The following MME variants were observed in gnomAD, a reference collection of about 807,000 sequenced individuals.
The protein encoded by MME is membrane metalloendopeptidase, also known as neprilysin.
A neutral mutation model predicts 113.2 loss-of-function variants in MME; 98 were observed. That is an observed-to-expected ratio of 0.87 (90% CI 0.74 to 1.02). The LOEUF (loss-of-function observed/expected upper bound fraction) is 1.02. Among genes scored for constraint, MME ranks in the 50% least tolerant of loss-of-function variants. The pLI, the probability that MME is intolerant of heterozygous loss-of-function variation, is 0.00. For synonymous variants in MME, 292 were observed against 300.6 expected (o/e 0.97, Z 0.30); for missense variants, 836 against 896.0 (o/e 0.93, Z 0.86).
intron 12 of MME, among the ~76,000 whole-genome samples, chr3:155,143,104 T>C (rs1296073506): frequency 1.3e-5 from 2 of 152,174 alleles, no homozygotes; most frequent in African/African-American, 4.8e-5. Flanking sequence ...TCATATACCA[T>C]ATTTCCCCCA....
chr3:155,055,443 A>G (rs951890189), intron 1 of MME, among the ~76,000 whole-genome samples: 2 of 152,110 alleles, frequency 1.3e-5, no homozygotes, highest in African/African-American at 4.8e-5. Flanking sequence ...GCAAAAATAT[A>G]AAAATTAGCC....
intron 3 of MME, among the ~76,000 whole-genome samples, chr3:155,087,335 T>C (rs1442765120): frequency 6.6e-6 from 1 of 150,924 alleles, no homozygotes; most frequent in Non-Finnish European, 1.5e-5. Context: ...AGATGTGATG[T>C]GGGGAGCGTG....
At chr3:155,057,338 A>G (rs1168550438) in intron 1 of MME, among the ~76,000 whole-genome samples, 1 of 151,766 alleles carries the variant, frequency 6.6e-6, no homozygotes, top group Non-Finnish European at 1.5e-5. Flanking sequence ...CAAAAAACAC[A>G]TGAAAAAATG....
intron 8 of MME, among the ~76,000 whole-genome samples, chr3:155,137,579 G>A (rs1160066166): frequency 2.0e-5 from 3 of 151,964 alleles, no homozygotes; most frequent in Admixed American, 6.6e-5. Context: ...GGTGGTGGGC[G>A]CCTGTACTCC....
At chr3:155,029,137 A>G (rs1012001113) in intron 1 of MME, among the ~76,000 whole-genome samples, 3 of 152,208 alleles carry the variant, frequency 2.0e-5, no homozygotes, top group African/African-American at 7.2e-5. Flanking sequence ...CAGTTCATGC[A>G]AAAGGGAAGC....
At chr3:155,025,347 T>A (rs1289967649) in intron 1 of MME, among the ~76,000 whole-genome samples, 1 of 152,096 alleles carries the variant, frequency 6.6e-6, no homozygotes, top group Non-Finnish European at 1.5e-5. Context: ...AGGGGAAATT[T>A]GTAGGCAAAA....
chr3:155,166,206 A>T (rs1013685297), intron 17 of MME, among the ~76,000 whole-genome samples: 2 of 152,200 alleles, frequency 1.3e-5, no homozygotes, highest in African/African-American at 4.8e-5. Flanking sequence ...GTATGAAATT[A>T]AAAAATAAAC....
intron 22 of MME, among the ~76,000 whole-genome samples, chr3:155,177,338 G>A (rs1712641491): frequency 6.6e-6 from 1 of 152,210 alleles, no homozygotes; most frequent in African/African-American, 2.4e-5. Flanking sequence ...CAGGATGACT[G>A]TCTTTAGCCA....
At chr3:155,045,254 G>A (rs1713516494) in intron 1 of MME, among the ~76,000 whole-genome samples, 1 of 151,438 alleles carries the variant, frequency 6.6e-6, no homozygotes, top group Non-Finnish European at 1.5e-5. Flanking sequence ...GGGTTCAGAC[G>A]ATTCCCCTGC....
intron 1 of MME, among the ~76,000 whole-genome samples, chr3:155,045,223 T>C (rs1263456946): frequency 6.6e-6 from 1 of 151,822 alleles, no homozygotes; most frequent in Non-Finnish European, 1.5e-5. Context: ...CGGTCTTGGC[T>C]CACTGCAATC....
intron 1 of MME, among the ~76,000 whole-genome samples, chr3:155,059,795 T>A (rs577598346): frequency 1.2e-4 from 19 of 152,318 alleles, no homozygotes; most frequent in Admixed American, 4.6e-4. Context: ...ATTCTTAAAT[T>A]GCCATCTGAA....
rs190876891 is a variant in MME at position 155,030,337 on chromosome 3, C to T, written c.-11+6013C>T. ...TTATATAGAATTTCAAAATAGCCAGCTAAATCCCAGAAAGTCATATTTTGG... is the reference window on the plus strand; with the variant it reads ...TTATATAGAATTTCAAAATAGCCAGTTAAATCCCAGAAAGTCATATTTTGG... On this transcript the variant is annotated intron_variant, in intron 1 of 22. Transcript: ENST00000492661. Among the ~76,000 whole-genome samples, 9 of 152,222 alleles carry T rather than the reference C, an allele frequency of 5.9e-5. No homozygotes were observed. In the East Asian group the frequency reaches 1.7e-3, roughly 29 times the overall value.
intron 1 of MME, among the ~76,000 whole-genome samples, chr3:155,050,417 C>T (rs1713721197): frequency 6.6e-6 from 1 of 152,156 alleles, no homozygotes; most frequent in Non-Finnish European, 1.5e-5. Flanking sequence ...CATTGCTTTC[C>T]ATGATGACTG....
At chr3:155,042,054 A>G (rs1263807917) in intron 1 of MME, among the ~76,000 whole-genome samples, 3 of 152,188 alleles carry the variant, frequency 2.0e-5, no homozygotes, top group Admixed American at 1.3e-4. Context: ...TTAACAAAAG[A>G]ATATTTCAAT....
At chr3:155,052,634 G>A (rs1313087607) in intron 1 of MME, among the ~76,000 whole-genome samples, 1 of 152,202 alleles carries the variant, frequency 6.6e-6, no homozygotes, top group Admixed American at 6.5e-5. Flanking sequence ...GGGCAGGGGG[G>A]CCCTGGGTCC....
chr3:155,117,051 T>C (rs1718683840), intron 7 of MME, 65 bp downstream of exon 7: 1 of 907,976 alleles, frequency 1.1e-6, no homozygotes, highest in Admixed American at 1.7e-5. Context: ...ACATACATTG[T>C]TGTTATTGAT....
At chr3:155,043,423 C>A (rs1713430061) in intron 1 of MME, among the ~76,000 whole-genome samples, 1 of 151,824 alleles carries the variant, frequency 6.6e-6, no homozygotes, top group African/African-American at 2.4e-5. Context: ...CCTCCACCTC[C>A]CAGGTTCAAG....
chr3:155,125,195 C>T (rs554052861), intron 8 of MME, among the ~76,000 whole-genome samples: 2 of 148,956 alleles, frequency 1.3e-5, no homozygotes, highest in African/African-American at 4.9e-5. Context: ...GTGCGTCCGT[C>T]ACCCCTTTCT....
intron 14 of MME, among the ~76,000 whole-genome samples, chr3:155,146,844 A>G (rs1206545519): frequency 6.6e-6 from 1 of 152,184 alleles, no homozygotes; most frequent in Admixed American, 6.6e-5. Flanking sequence ...TGAGAGAAAA[A>G]GTTCATAAAA....
Sources: gnomAD v4.1 joint callset for allele counts (sites outside exome capture counted in the v4.1 genomes callset) on GRCh38, gnomAD v4.1.1 for gene constraint, MANE v1.5 for transcripts, NCBI Gene and HGNC (gene_info 2026-07-23, HGNC 2026-07-21) for gene names.